The following MADD variants were observed in gnomAD, a reference collection of about 807,000 sequenced individuals.
The protein encoded by MADD is MAP kinase-activating death domain protein.
Under a neutral mutation model 176.7 loss-of-function variants are expected in MADD, and 109 were observed. The ratio of observed to expected loss-of-function variants is 0.62; its 90% CI spans 0.53 to 0.72. MADD has a LOEUF of 0.72. Among genes scored for constraint, MADD ranks in the 30% least tolerant of loss-of-function variants. The pLI is 0.00. For synonymous variants in MADD, 771 were observed against 771.3 expected (o/e 1.00, Z 0.01); for missense variants, 1,914 against 2,045.5 (o/e 0.94, Z 1.24).
intron 25 of MADD, among the ~76,000 whole-genome samples, chr11:47,310,484 ATTAT>A (rs1462425893): frequency 5.9e-5 from 9 of 152,092 alleles, no homozygotes; most frequent in South Asian, 2.1e-4. Context: ...ACACCCAGCC[ATTAT>A]TTATTTATTT....
chr11:47,322,422 A>G (rs1330194334), intron 27 of MADD, among the ~76,000 whole-genome samples: 1 of 152,072 alleles, frequency 6.6e-6, no homozygotes, highest in Non-Finnish European at 1.5e-5. Flanking sequence ...CCTTGCTAAC[A>G]CGGTGAAACC....
intron 27 of MADD, among the ~76,000 whole-genome samples, chr11:47,317,245 T>C (rs1488630625): frequency 5.3e-5 from 8 of 152,220 alleles, no homozygotes; most frequent in Non-Finnish European, 7.3e-5. Context: ...CTTGGGTTGC[T>C]TCCAAATTTG....
At chr11:47,286,068 C>T (rs1419360853) in intron 14 of MADD, among the ~76,000 whole-genome samples, 1 of 152,168 alleles carries the variant, frequency 6.6e-6, no homozygotes, top group African/African-American at 2.4e-5. Flanking sequence ...CTAGAGAGAG[C>T]GAACGTAGAG....
In MADD at chr11:47,325,802, G is replaced by A. The variant is rs192168726; in HGVS notation, c.4543-936G>A. Among the ~76,000 whole-genome samples the A allele has an allele frequency of 9.2e-5, 14 of 152,308 alleles. No homozygotes were observed. The highest frequency in any genetic ancestry group is 4.1e-4 in the South Asian group (2 of 4,828). ...GCCCAGGTGCTCTGCCCTGTTCCTC[G>A]TCCTGCCCTTGGCATAGCCCCACTG... is the stretch of plus-strand genomic sequence containing the variant. On this transcript the variant is annotated intron_variant, in intron 30 of 32. Coordinates refer to ENST00000402192, the Ensembl canonical transcript of MADD. The surrounding 1 kb of genome is among the most constrained non-coding windows in gnomAD (Gnocchi z 4.5).
chr11:47,295,296 G>C (rs1197680356), intron 20 of MADD, among the ~76,000 whole-genome samples, 200 bp from the exon 23 acceptor site: 1 of 152,190 alleles, frequency 6.6e-6, no homozygotes, highest in African/African-American at 2.4e-5. Flanking sequence ...ACAGGCGTGA[G>C]CCACTGTGCC....
intron 21 of MADD, 64 bp from the exon 24 acceptor site, chr11:47,295,833 A>T: frequency 6.4e-7 from 1 of 1,558,424 alleles, no homozygotes. Flanking sequence ...GGGAGCTCTA[A>T]CAGCTTGGTA....
At chr11:47,273,054 A>G (rs1002436990) in intron 1 of MADD, among the ~76,000 whole-genome samples, 2 of 152,224 alleles carry the variant, frequency 1.3e-5, no homozygotes, top group Non-Finnish European at 2.9e-5. Flanking sequence ...ATGGTTAACT[A>G]GACAGTCTAT....
At position 47,285,712 on chromosome 11, in the gene MADD, A is replaced by G. The variant is rs905563812; in HGVS notation, c.2551+122A>G. ...GCTAGGTTGGCATTAGCAAGCCCTA[A>G]TCCAGTCATTTGGGTGATACTGAAT... On this transcript the variant is annotated intron_variant, in intron 14 of 32. Transcript: ENST00000402192. The G allele has an allele frequency of 5.9e-6, 8 of 1,364,190 alleles. No individual in the cohort carries two copies. The Admixed American group carries it at 7.4e-5, about 13-fold the overall frequency. The allele number at this position is 1,364,190 out of a possible 1,614,324, so 84.5% of individuals were successfully genotyped here.
chr11:47,320,271 A>T (rs998635649), intron 27 of MADD, among the ~76,000 whole-genome samples: 1 of 151,050 alleles, frequency 6.6e-6, no homozygotes, highest in African/African-American at 2.4e-5. Context: ...CCTGGCCAAG[A>T]TGGTGAAACC....
chr11:47,289,297 G>A (rs2063294796), intron 15 of MADD, 94 bp from the exon 17 acceptor site: 1 of 1,049,970 alleles, frequency 9.5e-7, no homozygotes, highest in Admixed American at 1.8e-5. Context: ...CCCTTCTGAG[G>A]AACGGGCATG....
intron 19 of MADD, among the ~76,000 whole-genome samples, chr11:47,291,834 G>T (rs2065594584): frequency 1.3e-5 from 2 of 152,208 alleles, no homozygotes; most frequent in African/African-American, 4.8e-5. Flanking sequence ...AGTACACTCT[G>T]AAGTTCCTTC....
intron 25 of MADD, among the ~76,000 whole-genome samples, chr11:47,310,121 C>T (rs969039652): frequency 1.1e-4 from 16 of 151,800 alleles, no homozygotes; most frequent in African/African-American, 3.1e-4. Flanking sequence ...GGATTACAGG[C>T]GTGAGCCAGT....
At position 47,328,810 on chromosome 11, in the gene MADD, G is replaced by T. The variant is rs547233408; in HGVS notation, c.4659+106G>T. 1.7e-4 allele frequency: 248 copies of T among 1,454,562 alleles called. 2 individuals carry two copies. In the South Asian group the frequency reaches 2.8e-3, roughly 17 times the overall value. The allele number at this position is 1,454,562 out of a possible 1,614,324, so 90.1% of individuals were successfully genotyped here. A position where few individuals can be genotyped will look rare whatever the true frequency, so the allele number is the denominator to read the frequency against. On this transcript the variant is annotated intron_variant, in intron 32 of 32. Coordinates refer to ENST00000402192, the Ensembl canonical transcript of MADD. ...CTCTGAGCGCACAGGGGTGAGTGGG[G>T]ACCTCGTTTTGTTGCCAAAGGTTCA... is the stretch of plus-strand genomic sequence containing the variant.
chr11:47,297,384 A>G (rs2073419238), intron 22 of MADD, among the ~76,000 whole-genome samples: 1 of 151,692 alleles, frequency 6.6e-6, no homozygotes, highest in Non-Finnish European at 1.5e-5. Flanking sequence ...GAACAGACTG[A>G]TTGGCTGATT....
chr11:47,290,046 C>G, exon 17 of MADD: 1 of 1,614,056 alleles, frequency 6.2e-7, no homozygotes, highest in Non-Finnish European at 8.5e-7. Context: ...GACATCATCC[C>G]GGATGTGGTC....
chr11:47,303,815 T>C (rs1041196379), intron 22 of MADD, among the ~76,000 whole-genome samples: 3 of 150,020 alleles, frequency 2.0e-5, no homozygotes, highest in African/African-American at 7.4e-5. Context: ...ACCGTGTTGG[T>C]CAGGCTGGTC....
chr11:47,290,514 TTCCGCACCC>T, intron 18 of MADD, 87 bp from the exon 20 acceptor site: 1 of 1,355,214 alleles, frequency 7.4e-7, no homozygotes, highest in South Asian at 1.4e-5. Context: ...ACTTCTTCCA[TTCCGCACCC>T]TCCTGTATCC....
chr11:47,309,408 G>A lies in MADD; in HGVS notation c.3872+7G>A. On this transcript the variant is annotated splice_region_variant and intron_variant, in intron 24 of 32. Coordinates refer to ENST00000402192, the Ensembl canonical transcript of MADD. ...CCCAGGAAATGATCGACAGGTATGG[G>A]GCTTAGGAAACCATTGGGAATCAGC... 6.2e-7 allele frequency: 1 copy of A among 1,614,166 alleles called. No individual in the cohort carries two copies. The highest frequency in any genetic ancestry group is 8.5e-7 in the Non-Finnish European group (1 of 1,180,010).
In MADD at chr11:47,276,875, G is replaced by A. The variant is rs2050383933; in HGVS notation, c.1095+12G>A. 1.2e-6 allele frequency: 2 copies of A among 1,613,418 alleles called. No homozygotes were observed. Among genetic ancestry groups the A allele is most frequent in the East Asian group, 2.2e-5 (1 of 44,886 alleles). ...CATCAGCAGAGCAGGTGAGTCTCAAGGCGACTTCCGGCTTTCTCACCTCTG... is the reference window on the plus strand; with the variant it reads ...CATCAGCAGAGCAGGTGAGTCTCAAAGCGACTTCCGGCTTTCTCACCTCTG... On this transcript the variant is annotated intron_variant, in intron 5 of 32. Transcript: ENST00000402192.
Sources: allele counts gnomAD v4.1 joint callset (sites outside exome capture counted in the v4.1 genomes callset), GRCh38; gene constraint gnomAD v4.1.1; non-coding constraint Gnocchi (gnomAD v3.1); transcripts MANE v1.5; gene names NCBI Gene and HGNC (gene_info 2026-07-23, HGNC 2026-07-21).